The following PSG1 variants were observed in gnomAD, a reference collection of about 807,000 sequenced individuals.
The protein encoded by PSG1 is pregnancy specific beta-1-glycoprotein 1, also known as pregnancy-specific beta-1-glycoprotein 1.
A neutral mutation model predicts 41.4 loss-of-function variants in PSG1; 60 were observed. The observed-to-expected ratio is 1.45, with a 90% CI of 1.18 to 1.80. PSG1 has a LOEUF of 1.80. PSG1 is among the 40% of genes most tolerant of loss of function. PSG1 has a pLI of 0.00. For synonymous variants in PSG1, 256 were observed against 192.9 expected (o/e 1.33, Z -2.71); for missense variants, 806 against 516.9 (o/e 1.56, Z -5.42).
chr19:42,871,542 A>G (rs1486940970), intron 3 of PSG1, among the ~76,000 whole-genome samples: 1 of 151,634 alleles, frequency 6.6e-6, no homozygotes, highest in Non-Finnish European at 1.5e-5. Context: ...CTCCCATCAC[A>G]AGCTGTGGAC....
intron 2 of PSG1, chr19:42,874,267 A>G (rs1971513840): frequency 6.6e-6 from 1 of 151,596 alleles, no homozygotes; most frequent in Admixed American, 6.6e-5. Flanking sequence ...GTTTCTGTTG[A>G]CACATCCTCA....
At position 42,869,041 on chromosome 19, in the gene PSG1, G is replaced by A. The variant is rs747158086; in HGVS notation, c.710-7C>T. The stretch of plus-strand genomic sequence containing the variant: ...TAGGGCTTGGGCAGCTTCGCTGTGT[G>A]GATAACAGAGAGAAGATTGTCCTGT... On this transcript the variant is annotated splice_region_variant and splice_polypyrimidine_tract_variant and intron_variant, in intron 3 of 5. Transcript: ENST00000436291. 3 of 1,603,928 alleles carry A rather than the reference G, an allele frequency of 1.9e-6. No individual in the cohort carries two copies. The highest frequency in any genetic ancestry group is 1.1e-5 in the South Asian group (1 of 89,418).
At chr19:42,872,250 C>T (rs2092724687) in intron 2 of PSG1, among the ~76,000 whole-genome samples, 2 of 151,518 alleles carry the variant, frequency 1.3e-5, no homozygotes, top group South Asian at 2.1e-4. Flanking sequence ...GGGAGAAGCA[C>T]AGACTTTCTC....
chr19:42,879,446 T>G (rs1468867652), intron 1 of PSG1, 72 bp downstream of exon 1: 1 of 1,583,036 alleles, frequency 6.3e-7, no homozygotes, highest in Non-Finnish European at 8.6e-7. Flanking sequence ...TAGAACCCCA[T>G]CCTCTCCAGG....
Position 42,873,637 on chromosome 19 carries a change from G to A in PSG1, c.431-1592C>T, listed in dbSNP as rs192878356. 8.6e-3 allele frequency among the ~76,000 whole-genome samples: 1,309 copies of A among 151,796 alleles called. 59 individuals carry two copies. Among genetic ancestry groups the A allele is most frequent in the Admixed American group, 0.045 (679 of 15,186 alleles). Reference sequence around the variant, plus strand: ...GTGCCGTGAATTCCAGCAGGATCACGTTATGCTCAAAGAAAGATGCCAAAG... The same window carrying A: ...GTGCCGTGAATTCCAGCAGGATCACATTATGCTCAAAGAAAGATGCCAAAG... On this transcript the variant is annotated intron_variant, in intron 2 of 5. Transcript: ENST00000436291.
intron 3 of PSG1, chr19:42,870,271 C>T (rs1192490676): frequency 6.6e-6 from 1 of 151,796 alleles, no homozygotes; most frequent in Non-Finnish European, 1.5e-5. Context: ...TTGTCATATA[C>T]TTACTGGTTT....
chr19:42,878,281 A>T lies in PSG1; in HGVS notation c.65-3T>A. 1 of 1,602,272 alleles carries T rather than the reference A, an allele frequency of 6.2e-7. No individual in the cohort carries two copies. Among genetic ancestry groups the T allele is most frequent in the Non-Finnish European group, 8.5e-7 (1 of 1,174,478 alleles). On this transcript the variant is annotated splice_polypyrimidine_tract_variant and splice_region_variant and intron_variant, in intron 1 of 5. Coordinates refer to ENST00000436291, the MANE Select transcript of PSG1 (RefSeq NM_001184825.2). Reference sequence around the variant, plus strand: ...GTTCCAGAAGTTTAAAAGTGATGCTAGGAGGTGGAGAGAACATCAGTCAAT... The same window carrying T: ...GTTCCAGAAGTTTAAAAGTGATGCTTGGAGGTGGAGAGAACATCAGTCAAT...
At chr19:42,876,964 C>T (rs1157076897) in intron 2 of PSG1, 1 of 151,678 alleles carries the variant, frequency 6.6e-6, no homozygotes, top group Non-Finnish European at 1.5e-5. Flanking sequence ...GTTTGTGTGA[C>T]TCTTGCTCAG....
chr19:42,868,879 G>A lies in PSG1; in HGVS notation c.865C>T (p.Pro289Ser). 1.2e-6 allele frequency: 2 copies of A among 1,610,784 alleles called. No homozygotes were observed. Among genetic ancestry groups the A allele is most frequent in the Non-Finnish European group, 1.7e-6 (2 of 1,179,066 alleles). The change falls in exon 4 of 6, where the codon CCC (proline) becomes TCC (serine). Residue 289 changes from proline to serine, a missense_variant. Coordinates refer to ENST00000436291, the MANE Select transcript of PSG1 (RefSeq NM_001184825.2). The part of the protein sequence containing the change: ...SLPVSPRVKR[P>S]IENRILILPS... ...AGAATGAGGATCCTGTTTTCAATGG[G>A]TCGCTTTACCCTGGGACTGACCGGG...
At chr19:42,875,867 G>T (rs1393629102) in intron 2 of PSG1, among the ~76,000 whole-genome samples, 2 of 146,368 alleles carry the variant, frequency 1.4e-5, no homozygotes, top group Non-Finnish European at 3.0e-5. Context: ...AACTTGTCTG[G>T]CAATTATGAG....
At chr19:42,876,256 A>G (rs1971600423) in intron 2 of PSG1, among the ~76,000 whole-genome samples, 1 of 151,448 alleles carries the variant, frequency 6.6e-6, no homozygotes, top group Admixed American at 6.6e-5. Context: ...GGCAGTGAGC[A>G]GTGAGGGAGA....
rs138598374 is a variant in PSG1, at chr19:42,868,807, G to C, written c.937C>G (p.Arg313Gly). The change falls in exon 4 of 6, where the codon CGG becomes GGG. Residue 313 changes from arginine (R) to glycine (G), a missense_variant. Arg to Gly is a moderately radical substitution (Grantham distance 125, BLOSUM62 -2). Transcript: ENST00000436291. The stretch of plus-strand genomic sequence containing the variant: ...CTGCGGATGCCACCATATCGGTCCC[G>C]TATTTCACATTGATAGGGTCCTGTT... ...NETGPYQCEI[R>G]DRYGGIRSDP... 6.2e-7 allele frequency: 1 copy of C among 1,611,618 alleles called. No homozygotes were observed. The highest frequency in any genetic ancestry group is 8.5e-7 in the Non-Finnish European group (1 of 1,178,978).
At chr19:42,867,856 A>G (rs1971198533) in intron 5 of PSG1, 5 of 1,324,576 alleles carry the variant, frequency 3.8e-6, no homozygotes, top group African/African-American at 1.5e-5. Flanking sequence ...ATTATTATCA[A>G]TTATTTCAAT....
intron 2 of PSG1, among the ~76,000 whole-genome samples, chr19:42,872,424 A>G (rs1156386836): frequency 6.6e-6 from 1 of 151,598 alleles, no homozygotes; most frequent in Non-Finnish European, 1.5e-5. Context: ...TTTCAGTCTC[A>G]CTTTGCCCAC....
At position 42,872,882 on chromosome 19, in the gene PSG1, C is replaced by A. The variant is rs531188988; in HGVS notation, c.431-837G>T. On this transcript the variant is annotated intron_variant, in intron 2 of 5. Transcript: ENST00000436291. ...AGAACTGACTGGTGGAAAGGGCGAT[C>A]ATGAACTGATGACGGAAGTCTGGCC... Among the ~76,000 whole-genome samples the A allele has an allele frequency of 2.8e-4, 42 of 151,936 alleles. 2 individuals are homozygous for A. The South Asian group carries it at 8.8e-3, about 32-fold the overall frequency.
At chr19:42,879,446 T>C (rs1468867652) in intron 1 of PSG1, 72 bp downstream of exon 1, 1 of 1,582,912 alleles carries the variant, frequency 6.3e-7, no homozygotes, top group East Asian at 2.3e-5. Context: ...TAGAACCCCA[T>C]CCTCTCCAGG....
At chr19:42,879,071 C>A (rs1379160158) in intron 1 of PSG1, among the ~76,000 whole-genome samples, 2 of 151,648 alleles carry the variant, frequency 1.3e-5, no homozygotes, top group Non-Finnish European at 2.9e-5. Flanking sequence ...TCCAATACGA[C>A]TTTCCTGTTT....
intron 1 of PSG1, among the ~76,000 whole-genome samples, chr19:42,879,003 T>C (rs1482299730): frequency 6.6e-6 from 1 of 151,612 alleles, no homozygotes; most frequent in African/African-American, 2.4e-5. Context: ...TGGTGGCCCC[T>C]GATGATTAAT....
At position 42,871,864 on chromosome 19, in the gene PSG1, T is replaced by G; in HGVS notation, c.612A>C (p.Leu204=). 6.2e-7 allele frequency: 1 copy of G among 1,612,518 alleles called. No individual in the cohort carries two copies. The highest frequency in any genetic ancestry group is 1.7e-5 in the Admixed American group (1 of 59,898). ...CTGCAGTATACTTTGTGACACCCAA[T>G]AGAAAGAGGGTCCTGTTGGTTTCGG... ...KLSETNRTLF[L]LGVTKYTAGP... is the part of the protein sequence containing the mutation. The change falls in exon 3 of 6, where the codon CTA becomes CTC. Residue 204 remains leucine (L), a synonymous_variant. Coordinates refer to ENST00000436291, the MANE Select transcript of PSG1 (RefSeq NM_001184825.2).
Sources: allele counts gnomAD v4.1 joint callset (sites outside exome capture counted in the v4.1 genomes callset), GRCh38; gene constraint gnomAD v4.1.1; transcripts MANE v1.5; gene names NCBI Gene and HGNC (gene_info 2026-07-23, HGNC 2026-07-21).